The following PPP1R12A variants were observed in gnomAD, a reference collection of about 807,000 sequenced individuals.
PPP1R12A encodes the protein myosin binding subunit.
PPP1R12A carries 19 observed loss-of-function variants against 139.6 expected under a neutral mutation model. The observed-to-expected ratio is 0.14, with a 90% CI of 0.09 to 0.20. The LOEUF is 0.20. Among genes scored for constraint, PPP1R12A ranks in the 10% least tolerant of loss-of-function variants. The probability of loss-of-function intolerance (pLI) is 1.00; values close to 1 mark genes in which losing one functional copy is unlikely to be tolerated. For synonymous variants in PPP1R12A, 427 were observed against 420.6 expected, an observed-to-expected ratio of 1.02 and a Z score of -0.19; for missense variants, 925 against 1,211.5, an observed-to-expected ratio of 0.76 and a Z score of 3.51.
At chr12:79,896,272 C>T (rs1464331956) in intron 1 of PPP1R12A, among the ~76,000 whole-genome samples, 4 of 152,074 alleles carry the variant, frequency 2.6e-5, no homozygotes, top group African/African-American at 4.8e-5. Context: ...ATTTAAATAG[C>T]TAATAACATA....
At chr12:79,933,100 A>C (rs1233594213) in intron 1 of PPP1R12A, among the ~76,000 whole-genome samples, 1 of 152,230 alleles carries the variant, frequency 6.6e-6, no homozygotes, top group Non-Finnish European at 1.5e-5. Context: ...TTTACGAGTT[A>C]TGATATGCCT....
At chr12:79,875,138 G>A (rs1882975869) in intron 1 of PPP1R12A, among the ~76,000 whole-genome samples, 1 of 152,034 alleles carries the variant, frequency 6.6e-6, no homozygotes, top group Admixed American at 6.6e-5. Context: ...TCAGATTAGG[G>A]ATATATCTGT....
chr12:79,933,614 A>C (rs542548211), intron 1 of PPP1R12A, among the ~76,000 whole-genome samples: 1 of 152,346 alleles, frequency 6.6e-6, no homozygotes, highest in African/African-American at 2.4e-5. Context: ...CGCTAAGAAA[A>C]TAGAAAAAGC....
chr12:79,820,782 G>C lies in PPP1R12A; in HGVS notation c.1106C>G (p.Ala369Gly). ...EDEEDDSESE[A>G]ETDKTKPLAS... ...TTATCTTTTAATTTTACCTGTTTCA[G>C]CTTCTGATTCCGAGTCATCTTCCTC... The change falls in exon 8 of 25, where the codon GCT (alanine) becomes GGT (glycine). Residue 369 changes from alanine (A) to glycine (G), a missense_variant. Ala to Gly is a moderately conservative substitution (Grantham distance 60). Around this residue, in one of 4 missense-constraint regions of PPP1R12A, gnomAD observed 403 missense variants for 463.7 expected, o/e 0.87. Transcript: ENST00000450142. The C allele has an allele frequency of 1.2e-6, 2 of 1,611,438 alleles. No individual in the cohort carries two copies. Among genetic ancestry groups the C allele is most frequent in the Non-Finnish European group, 1.7e-6 (2 of 1,179,112 alleles).
rs761795743 is a variant in PPP1R12A at position 79,807,314 on chromosome 12, G to T, written c.1567C>A (p.Arg523=). 1.2e-5 allele frequency: 18 copies of T among 1,546,182 alleles called. No individual in the cohort carries two copies. The South Asian group carries it at 1.3e-4, about 11-fold the overall frequency. Reference sequence around the variant, plus strand: ...CTCCTTGTATATGAACTACTTGTTCGCAAACTTGAAGAATCTCTGTTAAAA... The same window carrying T: ...CTCCTTGTATATGAACTACTTGTTCTCAAACTTGAAGAATCTCTGTTAAAA... ...EKENRDSSSL[R]TSSSYTRRKW... Residue 523 remains arginine (R), a synonymous_variant, in exon 12 of 25, where the codon CGA becomes AGA. Coordinates refer to ENST00000450142, the MANE Select transcript of PPP1R12A (RefSeq NM_002480.3).
intron 21 of PPP1R12A, chr12:79,786,892 T>G (rs1295920196): frequency 6.5e-6 from 1 of 153,190 alleles, no homozygotes; most frequent in African/African-American, 2.4e-5. Flanking sequence ...GAGTACCAGC[T>G]GTATTTATCA....
Position 79,844,959 on chromosome 12 carries a change from C to CA in PPP1R12A, c.487+342dup, listed in dbSNP as rs747856168. ...CATCTCAGCTTAAATGACCCCTTAT[C>CA]AGTGAGCCTTCTTGACCACACTATT... On this transcript the variant is annotated intron_variant, in intron 3 of 24. Transcript: ENST00000450142. Among the ~76,000 whole-genome samples, 6 of 152,192 alleles carry CA rather than the reference C, an allele frequency of 3.9e-5. No homozygotes were observed. The South Asian group carries it at 6.2e-4, about 16-fold the overall frequency.
intron 2 of PPP1R12A, among the ~76,000 whole-genome samples, chr12:79,856,453 T>A (rs753889107): frequency 6.6e-6 from 1 of 152,244 alleles, no homozygotes; most frequent in Admixed American, 6.5e-5. Flanking sequence ...CATAAATGCA[T>A]ATTTATTTAT....
At chr12:79,934,026 GCCCTT>G (rs76277501) in intron 1 of PPP1R12A, among the ~76,000 whole-genome samples, 113,751 of 151,892 alleles carry the variant, frequency 0.75, 45,623 homozygotes, top group Non-Finnish European at 0.92. Flanking sequence ...AGGTGGGCAA[GCCCTT>G]TAGAGGGCTT....
intron 2 of PPP1R12A, among the ~76,000 whole-genome samples, chr12:79,861,459 T>C (rs963937970): frequency 2.6e-5 from 4 of 152,078 alleles, no homozygotes; most frequent in African/African-American, 4.8e-5. Context: ...TTGGGACTGG[T>C]TGGACAGTGG....
intron 1 of PPP1R12A, among the ~76,000 whole-genome samples, chr12:79,928,865 C>G (rs1280299258): frequency 6.6e-6 from 1 of 152,160 alleles, no homozygotes; most frequent in Non-Finnish European, 1.5e-5. Flanking sequence ...AGAAGTAGAT[C>G]AAATTTGTAT....
intron 8 of PPP1R12A, among the ~76,000 whole-genome samples, chr12:79,820,429 C>G (rs947146357): frequency 6.6e-6 from 1 of 152,062 alleles, no homozygotes; most frequent in African/African-American, 2.4e-5. Context: ...CTGTTGGGAC[C>G]GGCATCCTGG....
intron 8 of PPP1R12A, chr12:79,819,161 G>A (rs1028204635): frequency 4.6e-5 from 7 of 152,144 alleles, no homozygotes; most frequent in South Asian, 2.1e-4. Flanking sequence ...CAATTAGTAC[G>A]TTTCAATTCC....
chr12:79,782,597 T>A, intron 22 of PPP1R12A: 1 of 454,368 alleles, frequency 2.2e-6, no homozygotes. Flanking sequence ...TGGAGAGCTC[T>A]GGACATTAAG....
intron 1 of PPP1R12A, among the ~76,000 whole-genome samples, chr12:79,892,921 T>C (rs1429982500): frequency 6.6e-6 from 1 of 152,028 alleles, no homozygotes. Flanking sequence ...CTGGCCAACA[T>C]GGTGAAACCC....
intron 24 of PPP1R12A, among the ~76,000 whole-genome samples, chr12:79,776,333 GAT>G (rs1363740838): frequency 6.6e-6 from 1 of 152,046 alleles, no homozygotes; most frequent in Non-Finnish European, 1.5e-5. Context: ...TTTTTGTTAG[GAT>G]AGGCTCTTAA....
chr12:79,789,050 C>T lies in PPP1R12A; in HGVS notation c.2667-267G>A, dbSNP rs534883304. Among the ~76,000 whole-genome samples, 4 of 152,236 alleles carry T rather than the reference C, an allele frequency of 2.6e-5. No homozygotes were observed. In the South Asian group the frequency reaches 8.3e-4, roughly 32 times the overall value. On this transcript the variant is annotated intron_variant, in intron 20 of 24. Transcript: ENST00000450142. ...TTCTCGGGCTCAAGTGATTCTTCTACCTCAGCCTCCTGGGTTGCTGGGACT... is the reference window on the plus strand; with the variant it reads ...TTCTCGGGCTCAAGTGATTCTTCTATCTCAGCCTCCTGGGTTGCTGGGACT...
chr12:79,790,734 T>G (rs1871738386), intron 19 of PPP1R12A, among the ~76,000 whole-genome samples: 1 of 152,198 alleles, frequency 6.6e-6, no homozygotes, highest in Non-Finnish European at 1.5e-5. Flanking sequence ...TATGCTACAC[T>G]GAAGTTCCAG....
chr12:79,856,436 T>TA (rs1880664880), intron 2 of PPP1R12A, among the ~76,000 whole-genome samples: 1 of 152,258 alleles, frequency 6.6e-6, no homozygotes, highest in Non-Finnish European at 1.5e-5. Context: ...TATTTAATCA[T>TA]ACAAGACATA....
Sources: gnomAD v4.1 joint callset for allele counts (sites outside exome capture counted in the v4.1 genomes callset) on GRCh38, gnomAD v4.1.1 for gene constraint, gnomAD v4.1.1 regional missense constraint, MANE v1.5 for transcripts, NCBI Gene and HGNC (gene_info 2026-07-23, HGNC 2026-07-21) for gene names.